The following CERT1 variants were observed in gnomAD, a reference collection of about 807,000 sequenced individuals.
CERT1 encodes ceramide transfer protein.
A neutral mutation model predicts 87.9 loss-of-function variants in CERT1; 31 were observed. That is an observed-to-expected ratio of 0.35 (90% CI 0.27 to 0.48). The LOEUF is 0.48. Ranked by LOEUF, CERT1 falls within the 20% of genes least tolerant of loss-of-function variation. The pLI is 0.99. For synonymous variants in CERT1, 289 were observed against 250.9 expected, an observed-to-expected ratio of 1.15 and a Z score of -1.44; for missense variants, 487 against 758.0, an observed-to-expected ratio of 0.64 and a Z score of 4.20.
chr5:75,426,626 T>C (rs191148390), intron 3 of CERT1, 148 bp from the exon 4 acceptor site: 51 of 586,824 alleles, frequency 8.7e-5, no homozygotes, highest in Admixed American at 2.7e-4. Context: ...ACATAAGCAA[T>C]GCCTTTCAAT....
intron 3 of CERT1, among the ~76,000 whole-genome samples, chr5:75,443,477 A>C (rs56361267): frequency 0.079 from 12,037 of 152,090 alleles, 567 homozygotes; most frequent in South Asian, 0.17. Flanking sequence ...TGATTCTGTA[A>C]ATTTTCCAGT....
In CERT1 at chr5:75,425,368, C is replaced by T. The variant is rs746174258; in HGVS notation, c.588G>A (p.Arg196=). ...ADAVSKDELQ[R]DKVVEDDEDD... ...GGTAATAGCCTAATTAACCTTTATC[C>T]CTTTGAAGTTCATCCTTAGAGACAG... Residue 196 remains arginine (R), a synonymous_variant, in exon 5 of 17, where the codon AGG becomes AGA. Coordinates refer to ENST00000643780, the MANE Select transcript of CERT1 (RefSeq NM_001379029.1). 6.2e-7 allele frequency: 1 copy of T among 1,612,880 alleles called. No homozygotes were observed. The highest frequency in any genetic ancestry group is 8.5e-7 in the Non-Finnish European group (1 of 1,179,510).
At chr5:75,388,868 G>A (rs983561790) in intron 12 of CERT1, among the ~76,000 whole-genome samples, 48 of 151,694 alleles carry the variant, frequency 3.2e-4, no homozygotes, top group East Asian at 5.8e-4. Context: ...CAAGTAATCC[G>A]CCTGCCATGT....
At chr5:75,488,305 A>G (rs1766620114) in intron 2 of CERT1, among the ~76,000 whole-genome samples, 1 of 151,960 alleles carries the variant, frequency 6.6e-6, no homozygotes, top group Admixed American at 6.6e-5. Flanking sequence ...TATCTCATCT[A>G]CCCCATTAAT....
Position 75,418,053 on chromosome 5 carries a change from G to C in CERT1, c.680-1020C>G, listed in dbSNP as rs183240654. On this transcript the variant is annotated intron_variant, in intron 6 of 16. Coordinates refer to ENST00000643780, the MANE Select transcript of CERT1 (RefSeq NM_001379029.1). ...TGCCTGTAATCCCAGCTACTCAGGAGGCTGAAGCAGGACAATCACTTGAAA... is the reference window on the plus strand; with the variant it reads ...TGCCTGTAATCCCAGCTACTCAGGACGCTGAAGCAGGACAATCACTTGAAA... Among the ~76,000 whole-genome samples, 83 of 152,284 alleles carry C rather than the reference G, an allele frequency of 5.5e-4. 1 individual carries two copies. The East Asian group carries it at 0.014, about 25-fold the overall frequency.
chr5:75,418,632 T>C (rs890935621), intron 6 of CERT1, among the ~76,000 whole-genome samples: 2 of 152,160 alleles, frequency 1.3e-5, no homozygotes, highest in African/African-American at 4.8e-5. Context: ...GGTATATCTA[T>C]ACAATAAAAT....
intron 17 of CERT1, chr5:75,369,490 C>A (rs1459111280): frequency 6.6e-6 from 1 of 151,652 alleles, no homozygotes; most frequent in Non-Finnish European, 1.5e-5. Flanking sequence ...TACACATAGG[C>A]ATTAAAAAGT....
intron 16 of CERT1, among the ~76,000 whole-genome samples, 198 bp from the exon 17 acceptor site, chr5:75,379,671 C>T (rs995547605): frequency 5.9e-5 from 9 of 152,082 alleles, no homozygotes; most frequent in African/African-American, 2.2e-4. Flanking sequence ...CTGCAACTTC[C>T]GCCTCCGGGG....
chr5:75,466,757 A>G (rs920006828), intron 2 of CERT1, among the ~76,000 whole-genome samples: 1 of 152,172 alleles, frequency 6.6e-6, no homozygotes, highest in African/African-American at 2.4e-5. Flanking sequence ...CTCCATACTT[A>G]CAGGTTCTGA....
At chr5:75,375,277 G>A (rs1452787362), downstream of CERT1, 3 of 152,244 alleles carry the variant, frequency 2.0e-5, no homozygotes, top group African/African-American at 7.2e-5. Flanking sequence ...AGACCTCTTT[G>A]TCAAATGAGT....
chr5:75,377,017 G>A (rs373002354), downstream of CERT1: 1 of 152,136 alleles, frequency 6.6e-6, no homozygotes, highest in Non-Finnish European at 1.5e-5. Flanking sequence ...GTGAGAATGA[G>A]AGAATATTCA....
At chr5:75,504,675 A>C (rs1265206994) in intron 2 of CERT1, among the ~76,000 whole-genome samples, 3 of 151,994 alleles carry the variant, frequency 2.0e-5, no homozygotes, top group Admixed American at 6.6e-5. Flanking sequence ...TTTTGTTTTA[A>C]CGTACCCATT....
intron 3 of CERT1, among the ~76,000 whole-genome samples, chr5:75,436,189 T>A (rs1236766383): frequency 6.6e-6 from 1 of 151,976 alleles, no homozygotes; most frequent in East Asian, 1.9e-4. Flanking sequence ...TCCGCTACCA[T>A]GCCTGGCTAA....
chr5:75,484,606 GACA>G (rs78265424), intron 2 of CERT1, among the ~76,000 whole-genome samples: 17,020 of 151,806 alleles, frequency 0.11, 1,132 homozygotes, highest in South Asian at 0.22. Flanking sequence ...GCTATTCTTA[GACA>G]ACATTTCAAG....
At chr5:75,482,236 C>T (rs1381090206) in intron 2 of CERT1, among the ~76,000 whole-genome samples, 1 of 152,112 alleles carries the variant, frequency 6.6e-6, no homozygotes, top group African/African-American at 2.4e-5. Context: ...GACTAAAGAG[C>T]CCTTGGACCT....
Position 75,381,120 on chromosome 5 carries a change from C to T in CERT1, c.1699G>A (p.Glu567Lys). 1.2e-6 allele frequency: 2 copies of T among 1,614,114 alleles called. No individual in the cohort carries two copies. The highest frequency in any genetic ancestry group is 1.7e-6 in the Non-Finnish European group (2 of 1,179,986). ...CATAGAATGTTGTCCCTGCTAATTT[C>T]CTGGTTTCCCTCTGGTGGGCTTACC... Reference protein sequence around the residue: ...TLVSPPEGNQEISRDNILCKI... With the variant: ...TLVSPPEGNQKISRDNILCKI... Residue 567 changes from glutamate (E) to lysine (K), a missense_variant, in exon 16 of 17, where the codon GAA becomes AAA. Coordinates refer to ENST00000643780, the MANE Select transcript of CERT1 (RefSeq NM_001379029.1).
chr5:75,472,952 C>G (rs1183259698), intron 2 of CERT1, among the ~76,000 whole-genome samples: 1 of 152,188 alleles, frequency 6.6e-6, no homozygotes, highest in Non-Finnish European at 1.5e-5. Flanking sequence ...GAAGAGACAT[C>G]TGTACTTCCT....
intron 17 of CERT1, chr5:75,369,941 T>C (rs1761026034): frequency 6.6e-6 from 1 of 152,234 alleles, no homozygotes; most frequent in Non-Finnish European, 1.5e-5. Flanking sequence ...GTATGAACTC[T>C]GTTGTAACCA....
intron 9 of CERT1, chr5:75,401,077 T>G (rs1762454086): frequency 6.6e-6 from 1 of 152,214 alleles, no homozygotes; most frequent in Non-Finnish European, 1.5e-5. Context: ...TCTATGGAAC[T>G]GATTTTATGG....
Sources: gnomAD v4.1 joint callset for allele counts (sites outside exome capture counted in the v4.1 genomes callset) on GRCh38, gnomAD v4.1.1 for gene constraint, MANE v1.5 for transcripts, NCBI Gene and HGNC (gene_info 2026-07-23, HGNC 2026-07-21) for gene names.